Variants in DENND1B observed in about 807,000 individuals in gnomAD.
DENND1B encodes the protein DENN domain-containing protein 1B.
Under a neutral mutation model 90.1 loss-of-function variants are expected in DENND1B, and 59 were observed. The observed-to-expected ratio is 0.65, with a 90% CI of 0.53 to 0.81. DENND1B has a LOEUF of 0.81. Among genes scored for constraint, DENND1B ranks in the 40% least tolerant of loss-of-function variants. The pLI is 0.00. For synonymous variants in DENND1B, 337 were observed against 324.6 expected (o/e 1.04, Z -0.41); for missense variants, 862 against 912.6 (o/e 0.94, Z 0.71).
intron 14 of DENND1B, among the ~76,000 whole-genome samples, chr1:197,592,507 TAGAA>T (rs1239165257): frequency 5.3e-5 from 8 of 152,168 alleles, no homozygotes; most frequent in Admixed American, 5.2e-4. Flanking sequence ...AATTAATTCA[TAGAA>T]AGAAGGGGTC....
chr1:197,591,284 T>G (rs906683072), intron 14 of DENND1B, among the ~76,000 whole-genome samples: 4 of 152,176 alleles, frequency 2.6e-5, no homozygotes, highest in Non-Finnish European at 5.9e-5. Flanking sequence ...GCAGGGCACA[T>G]GCTGAACATT....
chr1:197,757,691 T>C (rs1472783721), intron 2 of DENND1B, among the ~76,000 whole-genome samples: 4 of 152,206 alleles, frequency 2.6e-5, no homozygotes, highest in African/African-American at 9.6e-5. Context: ...AAGGATAATT[T>C]CTGGACTTAA....
chr1:197,727,984 A>G lies in DENND1B; in HGVS notation c.83-12910T>C, dbSNP rs539760911. On this transcript the variant is annotated intron_variant, in intron 2 of 22. Coordinates refer to ENST00000620048, the MANE Select transcript of DENND1B (RefSeq NM_001195215.2). ...TCTCTTGTTGAAGAGCTGTGAAAAA[A>G]AAAAATGGATCGCCCCTACATATAA... is the stretch of plus-strand genomic sequence containing the variant. 5.9e-5 allele frequency among the ~76,000 whole-genome samples: 9 copies of G among 152,358 alleles called. No homozygotes were observed. In the South Asian group the frequency reaches 1.9e-3, roughly 32 times the overall value.
intron 20 of DENND1B, among the ~76,000 whole-genome samples, chr1:197,521,560 T>C (rs1455206633): frequency 1.1e-4 from 16 of 152,110 alleles, no homozygotes; most frequent in Admixed American, 4.6e-4. Flanking sequence ...AAGTGTTACC[T>C]TGCTTATCTA....
At chr1:197,545,555 T>C in intron 18 of DENND1B, 1 of 198,616 alleles carries the variant, frequency 5.0e-6, no homozygotes. Context: ...AAGACCTCGC[T>C]ATATTTTTCT....
chr1:197,639,386 A>T (rs1680081191), intron 10 of DENND1B, among the ~76,000 whole-genome samples: 1 of 152,016 alleles, frequency 6.6e-6, no homozygotes, highest in Non-Finnish European at 1.5e-5. Flanking sequence ...TTTTAACCAC[A>T]AACAGCACCT....
At chr1:197,679,579 T>C (rs1656445516) in intron 3 of DENND1B, among the ~76,000 whole-genome samples, 1 of 150,996 alleles carries the variant, frequency 6.6e-6, no homozygotes, top group African/African-American at 2.4e-5. Context: ...GGATTATATA[T>C]ACACACATAT....
intron 2 of DENND1B, among the ~76,000 whole-genome samples, chr1:197,731,409 G>C (rs889341645): frequency 1.3e-5 from 2 of 152,028 alleles, no homozygotes. Flanking sequence ...TTCCCATTTA[G>C]GTTGTCCTAA....
chr1:197,736,943 G>A (rs562299307), intron 2 of DENND1B, among the ~76,000 whole-genome samples: 54 of 152,268 alleles, frequency 3.5e-4, no homozygotes, highest in African/African-American at 1.2e-3. Context: ...CTTCATAAAT[G>A]AGATTTCTCA....
intron 3 of DENND1B, among the ~76,000 whole-genome samples, chr1:197,706,424 A>G (rs1320246478): frequency 7.9e-5 from 12 of 152,230 alleles, no homozygotes; most frequent in Admixed American, 7.9e-4. Flanking sequence ...GCAGAAATAG[A>G]CAAATGAGAT....
chr1:197,567,757 T>A (rs895043180), intron 15 of DENND1B, among the ~76,000 whole-genome samples: 1 of 152,004 alleles, frequency 6.6e-6, no homozygotes, highest in African/African-American at 2.4e-5. Context: ...TTGACAAAAA[T>A]CAACACTCAT....
At chr1:197,739,722 A>T (rs1472242485) in intron 2 of DENND1B, among the ~76,000 whole-genome samples, 1 of 152,216 alleles carries the variant, frequency 6.6e-6, no homozygotes, top group Non-Finnish European at 1.5e-5. Context: ...TGTATCCTGG[A>T]TATATTAAAA....
At chr1:197,580,124 ACT>A (rs562573119) in intron 15 of DENND1B, among the ~76,000 whole-genome samples, 259 of 108,554 alleles carry the variant, frequency 2.4e-3, no homozygotes, top group African/African-American at 9.0e-3. Flanking sequence ...TAAGAGTCTC[ACT>A]CTGTCGCCCA....
At chr1:197,554,100 T>TACACACACACACACAC (rs4026509) in intron 15 of DENND1B, among the ~76,000 whole-genome samples, 1 of 139,986 alleles carries the variant, frequency 7.1e-6, no homozygotes, top group African/African-American at 2.7e-5. Flanking sequence ...TCAATGATTA[T>TACACACACACACACAC]ACACACACAC....
intron 10 of DENND1B, among the ~76,000 whole-genome samples, chr1:197,641,230 T>A (rs1680245175): frequency 1.3e-5 from 2 of 152,232 alleles, no homozygotes; most frequent in African/African-American, 4.8e-5. Context: ...ACAATCTTTT[T>A]AATTTTGAGG....
chr1:197,779,338 T>C (rs896609303), upstream of DENND1B, among the ~76,000 whole-genome samples: 1 of 152,218 alleles, frequency 6.6e-6, no homozygotes, highest in Non-Finnish European at 1.5e-5. Flanking sequence ...GCATTTATGA[T>C]GTTTCATTTT....
intron 2 of DENND1B, among the ~76,000 whole-genome samples, chr1:197,767,645 G>C (rs760859200): frequency 6.6e-6 from 1 of 152,084 alleles, no homozygotes; most frequent in Non-Finnish European, 1.5e-5. Context: ...CTATTAAATA[G>C]CCAGAACTAT....
intron 2 of DENND1B, among the ~76,000 whole-genome samples, chr1:197,739,134 AG>A (rs1662985246): frequency 6.6e-6 from 1 of 152,230 alleles, no homozygotes; most frequent in African/African-American, 2.4e-5. Flanking sequence ...GGGAAATCCC[AG>A]GATCAGCTGA....
chr1:197,539,808 T>C (rs755778180), intron 20 of DENND1B, among the ~76,000 whole-genome samples, 156 bp downstream of exon 20: 2 of 152,216 alleles, frequency 1.3e-5, no homozygotes, highest in African/African-American at 4.8e-5. Context: ...AATCCCCTTG[T>C]AGCCTTCCCA....
Sources: gnomAD v4.1 joint callset for allele counts (sites outside exome capture counted in the v4.1 genomes callset) on GRCh38, gnomAD v4.1.1 for gene constraint, MANE v1.5 for transcripts, NCBI Gene and HGNC (gene_info 2026-07-23, HGNC 2026-07-21) for gene names.